NELL2: variants seen among roughly 807,000 people sequenced by gnomAD.
NELL2 encodes neural EGFL like 2.
A neutral mutation model predicts 109.6 loss-of-function variants in NELL2; 41 were observed. That is an observed-to-expected ratio of 0.37 (90% confidence interval 0.29 to 0.49). The LOEUF (loss-of-function observed/expected upper bound fraction) is 0.49. NELL2 is among the 20% of genes least tolerant of loss of function. The pLI is 0.98. For missense variants in NELL2, 900 were observed against 1,008.3 expected, an observed-to-expected ratio of 0.89 and a Z score of 1.45; for synonymous variants, 355 against 344.7, an observed-to-expected ratio of 1.03 and a Z score of -0.33.
chr12:44,805,346 T>C (rs1942963610), intron 3 of NELL2, among the ~76,000 whole-genome samples: 1 of 151,920 alleles, frequency 6.6e-6, no homozygotes, highest in Non-Finnish European at 1.5e-5. Flanking sequence ...TCAAATCTTA[T>C]AAAACTATAT....
Position 44,876,056 on chromosome 12 carries a change from G to T in NELL2, c.-187C>A. ...AGGGAGGCCTCCCCAGGCGCGTGAA[G>T]AACTTAGACCCTCCAATGCGCACAT... On this transcript the variant is annotated 5_prime_UTR_variant, in exon 1 of 20. Coordinates refer to ENST00000429094, the MANE Select transcript of NELL2 (RefSeq NM_001145108.2). The T allele has an allele frequency of 6.9e-7, 1 of 1,457,168 alleles. No homozygotes were observed. The highest frequency in any genetic ancestry group is 9.0e-7 in the Non-Finnish European group (1 of 1,111,318). 90.3% of individuals were successfully genotyped at this position (1,457,168 alleles called of 1,614,324 possible).
At chr12:44,865,396 A>G (rs935808041) in intron 2 of NELL2, among the ~76,000 whole-genome samples, 23 of 130,422 alleles carry the variant, frequency 1.8e-4, no homozygotes, top group Non-Finnish European at 3.1e-4. Context: ...CACAATAGCA[A>G]AGACTTGGAA....
chr12:44,670,554 T>C (rs750914486), intron 12 of NELL2, among the ~76,000 whole-genome samples: 1 of 128,772 alleles, frequency 7.8e-6, no homozygotes, highest in Non-Finnish European at 1.8e-5. Flanking sequence ...AAGATGCAAG[T>C]ACAAGAAACC....
intron 15 of NELL2, among the ~76,000 whole-genome samples, chr12:44,565,408 C>T (rs980198267): frequency 1.3e-5 from 2 of 152,130 alleles, no homozygotes; most frequent in Admixed American, 6.5e-5. Context: ...ATGTGAAATA[C>T]GTGCATCTTA....
At chr12:44,530,859 C>G (rs1432532776) in intron 16 of NELL2, among the ~76,000 whole-genome samples, 1 of 152,136 alleles carries the variant, frequency 6.6e-6, no homozygotes, top group East Asian at 1.9e-4. Flanking sequence ...TCATGAAGAC[C>G]CTGAACCGGA....
intron 12 of NELL2, among the ~76,000 whole-genome samples, chr12:44,696,521 A>C (rs1200131096): frequency 1.3e-5 from 2 of 152,232 alleles, no homozygotes; most frequent in African/African-American, 2.4e-5. Flanking sequence ...TAATCAGTGC[A>C]CATACAATTT....
chr12:44,789,881 G>A (rs1942316299), intron 3 of NELL2, among the ~76,000 whole-genome samples: 1 of 152,070 alleles, frequency 6.6e-6, no homozygotes, highest in African/African-American at 2.4e-5. Context: ...GAAATTCAGA[G>A]CTCAAAGACA....
At chr12:44,590,431 A>G (rs1405121725) in intron 15 of NELL2, among the ~76,000 whole-genome samples, 10 of 152,176 alleles carry the variant, frequency 6.6e-5, no homozygotes, top group African/African-American at 1.7e-4. Flanking sequence ...TAAGAGATCT[A>G]GTCCATACAG....
At chr12:44,806,256 CA>C (rs1275115955) in intron 3 of NELL2, among the ~76,000 whole-genome samples, 1 of 151,860 alleles carries the variant, frequency 6.6e-6, no homozygotes, top group East Asian at 1.9e-4. Context: ...AAGATATATG[CA>C]TGGCCAATAA....
chr12:44,854,684 G>GGA lies in NELL2; in HGVS notation c.184+20540_184+20541insTC, dbSNP rs1944628847. Among the ~76,000 whole-genome samples, 272 of 140,866 alleles carry GGA rather than the reference G, an allele frequency of 1.9e-3. 2 individuals carry two copies. Among genetic ancestry groups the GGA allele is most frequent in the East Asian group, 0.01 (47 of 4,574 alleles). 92.4% of individuals were successfully genotyped at this position (140,866 alleles called of 152,430 possible). ...GATGGATGGATGGATGGATGGATGG[G>GGA]TGGATGGATGGGTGGATGGATGGGT... is the stretch of plus-strand genomic sequence containing the variant. On this transcript the variant is annotated intron_variant, in intron 2 of 19. Coordinates refer to ENST00000429094, the MANE Select transcript of NELL2 (RefSeq NM_001145108.2).
chr12:44,828,086 T>C (rs1943773044), intron 2 of NELL2, among the ~76,000 whole-genome samples: 1 of 152,224 alleles, frequency 6.6e-6, no homozygotes, highest in Non-Finnish European at 1.5e-5. Context: ...CTTTTTCATA[T>C]AGCTGTTTGC....
chr12:44,747,273 G>C (rs1249397411), intron 9 of NELL2, among the ~76,000 whole-genome samples: 1 of 151,878 alleles, frequency 6.6e-6, no homozygotes, highest in African/African-American at 2.4e-5. Flanking sequence ...CACAGGAAGG[G>C]GAACATCACA....
In NELL2 at chr12:44,726,854, C is replaced by G. The variant is rs1939108314; in HGVS notation, c.995-12113G>C. On this transcript the variant is annotated intron_variant, in intron 9 of 19. Transcript: ENST00000429094. Reference sequence around the variant, plus strand: ...TTTATATATTAGTATGTATTTATAGCAGTTAAGTAATATTACAATTATTAT... The same window carrying G: ...TTTATATATTAGTATGTATTTATAGGAGTTAAGTAATATTACAATTATTAT... Among the ~76,000 whole-genome samples, 9 of 152,078 alleles carry G rather than the reference C, an allele frequency of 5.9e-5. No homozygotes were observed. In the South Asian group the frequency reaches 1.9e-3, roughly 32 times the overall value.
intron 13 of NELL2, among the ~76,000 whole-genome samples, chr12:44,662,839 G>GCTCATTAACAGGAAAGAAGGGCAGGGA (rs1430047917): frequency 1.6e-4 from 25 of 152,168 alleles, no homozygotes; most frequent in African/African-American, 6.0e-4. Context: ...TTAGCAGGGG[G>GCTCATTAACAGGAAAGAAGGGCAGGGA]CTCATTAACA....
upstream of NELL2, among the ~76,000 whole-genome samples, chr12:44,914,606 A>G (rs1945812586): frequency 1.3e-5 from 2 of 152,158 alleles, no homozygotes; most frequent in Admixed American, 1.3e-4. Context: ...TAGAATGAAA[A>G]TTCATGAGCA....
At chr12:44,915,402 C>T (rs373105833), upstream of NELL2, among the ~76,000 whole-genome samples, 10 of 152,250 alleles carry the variant, frequency 6.6e-5, no homozygotes, top group African/African-American at 2.2e-4. Flanking sequence ...TCAAGGTTAT[C>T]TTCTCTTCTC....
At chr12:44,911,531 T>G (rs1945779973) in intron 1 of NELL2, among the ~76,000 whole-genome samples, 1 of 151,954 alleles carries the variant, frequency 6.6e-6, no homozygotes, top group South Asian at 2.1e-4. Flanking sequence ...TGTTTAATCC[T>G]TGTCTTCCTC....
intron 2 of NELL2, 177 bp downstream of exon 2, chr12:44,875,048 G>C (rs962666310): frequency 1.3e-6 from 1 of 761,840 alleles, no homozygotes; most frequent in Non-Finnish European, 2.0e-6. Context: ...GGTGAGGCAG[G>C]GGAGAAAAAA....
rs1942196259 is a variant in NELL2, at chr12:44,786,879, G to A, written c.336-6857C>T. ...CATCACGTACCGGGGCCTGTCATGG[G>A]GTGGGGGCAAGATGAGGGAGAGCAT... is the stretch of plus-strand genomic sequence containing the variant. On this transcript the variant is annotated intron_variant, in intron 3 of 19. Coordinates refer to ENST00000429094, the MANE Select transcript of NELL2 (RefSeq NM_001145108.2). 1.3e-5 allele frequency among the ~76,000 whole-genome samples: 2 copies of A among 152,026 alleles called. 1 individual carries two copies. The highest frequency in any genetic ancestry group is 2.9e-5 in the Non-Finnish European group (2 of 68,016).
Sources: gnomAD v4.1 joint callset for allele counts (sites outside exome capture counted in the v4.1 genomes callset) on GRCh38, gnomAD v4.1.1 for gene constraint, MANE v1.5 for transcripts, NCBI Gene and HGNC (gene_info 2026-07-23, HGNC 2026-07-21) for gene names.